Variants in PCDHGA9 observed in about 807,000 individuals in gnomAD.
The protein encoded by PCDHGA9 is protocadherin gamma subfamily A, 9, also known as protocadherin gamma-A9.
A neutral mutation model predicts 62.5 loss-of-function variants in PCDHGA9; 37 were observed. The ratio of observed to expected loss-of-function variants is 0.59; its 90% CI spans 0.46 to 0.78. The LOEUF (loss-of-function observed/expected upper bound fraction) is 0.78. Among genes scored for constraint, PCDHGA9 ranks in the 30% least tolerant of loss-of-function variants. The probability of loss-of-function intolerance (pLI) is 0.00; values close to 1 mark genes in which losing one functional copy is unlikely to be tolerated. For missense variants in PCDHGA9, 1,138 were observed against 1,166.2 expected (o/e 0.98, Z 0.35); for synonymous variants, 459 against 484.6 (o/e 0.95, Z 0.69).
At chr5:141,448,305 A>C (rs910461420) in intron 1 of PCDHGA9, among the ~76,000 whole-genome samples, 1 of 152,092 alleles carries the variant, frequency 6.6e-6, no homozygotes, top group East Asian at 1.9e-4. Context: ...TTAATATCTC[A>C]AGGAATCTTT....
chr5:141,418,080 A>T (rs1590086455), intron 1 of PCDHGA9: 1 of 1,614,046 alleles, frequency 6.2e-7, no homozygotes, highest in East Asian at 2.2e-5. Flanking sequence ...GAGAAGCTGC[A>T]CTTCAGCGTA....
chr5:141,484,266 T>G (rs2099593967), intron 1 of PCDHGA9, among the ~76,000 whole-genome samples: 1 of 152,220 alleles, frequency 6.6e-6, no homozygotes, highest in Non-Finnish European at 1.5e-5. Flanking sequence ...ACACTGATTC[T>G]TTACTGTTTT....
In PCDHGA9 at chr5:141,405,029, C is replaced by A. The variant is rs565871444; in HGVS notation, c.2077C>A (p.Leu693Ile). 6.2e-7 allele frequency: 1 copy of A among 1,613,976 alleles called. No individual in the cohort carries two copies. Among genetic ancestry groups the A allele is most frequent in the South Asian group, 1.1e-5 (1 of 91,080 alleles). ...DLEASDLTLY[L>I]VVAVAVVSCV... The stretch of plus-strand genomic sequence containing the variant: ...GGAGGCCTCAGACCTTACCCTCTAC[C>A]TCGTTGTGGCTGTGGCAGTCGTCTC... The change falls in exon 1 of 4, where the codon CTC becomes ATC. Residue 693 changes from leucine (L) to isoleucine (I), a missense_variant. Coordinates refer to ENST00000573521, the MANE Select transcript of PCDHGA9 (RefSeq NM_018921.3).
intron 1 of PCDHGA9, among the ~76,000 whole-genome samples, chr5:141,429,377 G>GT (rs566693637): frequency 0.17 from 24,737 of 149,382 alleles, 2,566 homozygotes; most frequent in African/African-American, 0.31. Context: ...GAGAAAATGT[G>GT]TTTTTTTTTT....
At chr5:141,419,781 G>C (rs1331740421) in intron 1 of PCDHGA9, 1 of 1,614,032 alleles carries the variant, frequency 6.2e-7, no homozygotes. Context: ...GTCCGCCAGC[G>C]CCTGCTAGTC....
At chr5:141,454,331 T>G (rs1244660733) in intron 1 of PCDHGA9, among the ~76,000 whole-genome samples, 1 of 152,180 alleles carries the variant, frequency 6.6e-6, no homozygotes, top group Non-Finnish European at 1.5e-5. Context: ...CAAGAATAAA[T>G]AAAATGTTGG....
intron 1 of PCDHGA9, among the ~76,000 whole-genome samples, chr5:141,434,467 T>C (rs1397980716): frequency 6.6e-6 from 1 of 152,226 alleles, no homozygotes; most frequent in Non-Finnish European, 1.5e-5. Flanking sequence ...TTTACCGGAA[T>C]GAGGGCAAGG....
At chr5:141,499,343 G>C (rs1184175548) in intron 2 of PCDHGA9, among the ~76,000 whole-genome samples, 1 of 152,146 alleles carries the variant, frequency 6.6e-6, no homozygotes, top group Non-Finnish European at 1.5e-5. Context: ...AGTTTGGGCA[G>C]TCATTCAACA....
intron 1 of PCDHGA9, chr5:141,427,356 G>A (rs1295421809): frequency 8.7e-6 from 4 of 457,618 alleles, no homozygotes; most frequent in Non-Finnish European, 1.8e-5. Context: ...AACTGAGGAC[G>A]CAGAACCCTG....
At chr5:141,410,961 C>T (rs2095452770) in intron 1 of PCDHGA9, 1 of 178,096 alleles carries the variant, frequency 5.6e-6, no homozygotes, top group African/African-American at 2.5e-5. Flanking sequence ...TCAAGCGATT[C>T]TCCTGCCTCA....
intron 1 of PCDHGA9, among the ~76,000 whole-genome samples, chr5:141,466,035 C>T (rs10054619): frequency 0.28 from 42,092 of 151,762 alleles, 6,545 homozygotes; most frequent in African/African-American, 0.42. Flanking sequence ...GGCAGGAGAA[C>T]GGCATGAACC....
intron 1 of PCDHGA9, chr5:141,427,624 C>T (rs2097051687): frequency 1.4e-6 from 1 of 698,516 alleles, no homozygotes; most frequent in South Asian, 1.5e-5. Context: ...AACGACAATG[C>T]TCCGGTTTTC....
In PCDHGA9 at chr5:141,487,120, T is replaced by C. The variant is rs1342042604; in HGVS notation, c.2425-7687T>C. 1.9e-6 allele frequency: 3 copies of C among 1,613,948 alleles called. No homozygotes were observed. Among genetic ancestry groups the C allele is most frequent in the Admixed American group, 1.7e-5 (1 of 60,028 alleles). ...AGAAGCTGGTCATTGTGGTAAAGGA[T>C]AGTGGTAGTCCACCACTCTCTACCT... On this transcript the variant is annotated intron_variant, in intron 1 of 3. Coordinates refer to ENST00000573521, the MANE Select transcript of PCDHGA9 (RefSeq NM_018921.3). The surrounding 1 kb of genome is among the most constrained non-coding windows in gnomAD (Gnocchi z 5.0).
Position 141,431,789 on chromosome 5 carries a change from G to A in PCDHGA9, c.2424+26413G>A, listed in dbSNP as rs760507500. On this transcript the variant is annotated intron_variant, in intron 1 of 3. Coordinates refer to ENST00000573521, the MANE Select transcript of PCDHGA9 (RefSeq NM_018921.3). This position sits in a 1 kb window ranked among gnomAD's most constrained non-coding sequence, Gnocchi z 4.8. ...CACTGTTCTGGACGTGAACGACAATGCCCCAGAAGTGGTCCTCACCTCTCT... is the reference window on the plus strand; with the variant it reads ...CACTGTTCTGGACGTGAACGACAATACCCCAGAAGTGGTCCTCACCTCTCT... 7.4e-6 allele frequency: 12 copies of A among 1,614,096 alleles called. No homozygotes were observed. The highest frequency in any genetic ancestry group is 5.9e-6 in the Non-Finnish European group (7 of 1,180,042).
chr5:141,413,660 T>C (rs747874019), intron 1 of PCDHGA9: 5 of 1,613,752 alleles, frequency 3.1e-6, no homozygotes, highest in Non-Finnish European at 4.2e-6. Flanking sequence ...CCGGAAGCTA[T>C]TGATCCGGAT....
At position 141,414,140 on chromosome 5, in the gene PCDHGA9, A is replaced by G. The variant is rs764980296; in HGVS notation, c.2424+8764A>G. ...GAAGAAACCGGTTTCTATGAAATAG[A>G]AATACAAGCAGAAGATGGAGGAGCA... On this transcript the variant is annotated intron_variant, in intron 1 of 3. Transcript: ENST00000573521. 4 of 1,596,912 alleles carry G rather than the reference A, an allele frequency of 2.5e-6. No individual in the cohort carries two copies. In the African/African-American group the frequency reaches 5.4e-5, roughly 21 times the overall value.
At chr5:141,468,324 C>T (rs1301315098) in intron 1 of PCDHGA9, 1 of 127,722 alleles carries the variant, frequency 7.8e-6, no homozygotes, top group Non-Finnish European at 1.6e-5. Context: ...ACGGTAAACT[C>T]CATCTCAAAA....
intron 1 of PCDHGA9, chr5:141,419,137 CAG>C (rs1561778402): frequency 1.2e-6 from 2 of 1,613,892 alleles, no homozygotes; most frequent in South Asian, 1.1e-5. Context: ...CAGCCACAGA[CAG>C]GGGCAAGCCT....
chr5:141,510,656 A>C (rs761093897), intron 3 of PCDHGA9, among the ~76,000 whole-genome samples: 4 of 152,304 alleles, frequency 2.6e-5, no homozygotes, highest in Non-Finnish European at 5.9e-5. Flanking sequence ...CCCATTTTGC[A>C]GATGAGAAAA....
Sources: allele counts gnomAD v4.1 joint callset (sites outside exome capture counted in the v4.1 genomes callset), GRCh38; gene constraint gnomAD v4.1.1; non-coding constraint Gnocchi (gnomAD v3.1); transcripts MANE v1.5; gene names NCBI Gene and HGNC (gene_info 2026-07-23, HGNC 2026-07-21).